The following TEX15 variants were observed in gnomAD, a reference collection of about 807,000 sequenced individuals.
TEX15 encodes the protein testis-expressed protein 15.
Under a neutral mutation model 237.3 loss-of-function variants are expected in TEX15, and 171 were observed. That is an observed-to-expected ratio of 0.72 (90% CI 0.64 to 0.82). The LOEUF is 0.82. Among genes scored for constraint, TEX15 ranks in the 40% least tolerant of loss-of-function variants. The pLI, the probability that TEX15 is intolerant of heterozygous loss-of-function variation, is 0.00. For missense variants in TEX15, 3,750 were observed against 3,646.5 expected (o/e 1.03, Z -0.73); for synonymous variants, 1,338 against 1,269.8 (o/e 1.05, Z -1.14).
intron 7 of TEX15, 99 bp from the exon 8 acceptor site, chr8:30,849,415 A>G: frequency 1.5e-6 from 1 of 671,368 alleles, no homozygotes; most frequent in Non-Finnish European, 2.4e-6. Flanking sequence ...TTGAAAGTTC[A>G]GCTAATAACC....
chr8:30,859,899 C>A lies in TEX15; in HGVS notation c.687+12G>T. On this transcript the variant is annotated intron_variant, in intron 6 of 10. Transcript: ENST00000643185. ...TGTACTTTTCAAGAAATCAAATGAA[C>A]CATTAACATACTGCTGAACTGTAGG... The A allele has an allele frequency of 7.1e-7, 1 of 1,405,170 alleles. No homozygotes were observed. Among genetic ancestry groups the A allele is most frequent in the Non-Finnish European group, 9.2e-7 (1 of 1,084,620 alleles). The allele number at this position is 1,405,170 out of a possible 1,614,324, so 87.0% of individuals were successfully genotyped here. A position where few individuals can be genotyped will look rare whatever the true frequency, so the allele number is the denominator to read the frequency against.
intron 4 of TEX15, among the ~76,000 whole-genome samples, chr8:30,871,242 G>A (rs1334656688): frequency 6.6e-6 from 1 of 152,060 alleles, no homozygotes; most frequent in Admixed American, 6.6e-5. Flanking sequence ...TATATTCACA[G>A]GTTCTGGGGA....
At chr8:30,836,463 C>T (rs778627668) in intron 10 of TEX15, among the ~76,000 whole-genome samples, 3 of 151,992 alleles carry the variant, frequency 2.0e-5, no homozygotes, top group Non-Finnish European at 4.4e-5. Context: ...CTGCCCCCCT[C>T]GGCCTCCCAA....
intron 1 of TEX15, among the ~76,000 whole-genome samples, chr8:30,905,576 AT>A (rs1809086402): frequency 6.6e-6 from 1 of 152,044 alleles, no homozygotes; most frequent in Non-Finnish European, 1.5e-5. Flanking sequence ...ATAAGAGATA[AT>A]ATTTTTGGTG....
intron 8 of TEX15, 113 bp from the exon 9 acceptor site, chr8:30,840,077 G>A (rs1396533120): frequency 1.1e-5 from 6 of 558,664 alleles, no homozygotes; most frequent in Admixed American, 3.9e-5. Context: ...ATCATCTAAA[G>A]TTAAACTAAT....
At chr8:30,898,201 T>A (rs753786981) in intron 2 of TEX15, among the ~76,000 whole-genome samples, 3 of 152,182 alleles carry the variant, frequency 2.0e-5, no homozygotes, top group Non-Finnish European at 4.4e-5. Context: ...AAATACCTGC[T>A]ATGGTCTGAA....
chr8:30,892,893 C>T (rs1407237722), intron 2 of TEX15, among the ~76,000 whole-genome samples: 1 of 151,876 alleles, frequency 6.6e-6, no homozygotes, highest in Non-Finnish European at 1.5e-5. Context: ...ATTAGCCGGG[C>T]GTGGTTGCAG....
At chr8:30,886,614 C>G (rs1157332961) in intron 3 of TEX15, among the ~76,000 whole-genome samples, 1 of 152,188 alleles carries the variant, frequency 6.6e-6, no homozygotes, top group Non-Finnish European at 1.5e-5. Flanking sequence ...CTTGTTCCTG[C>G]TGGGTAGGGG....
At chr8:30,905,734 C>CAAAAAAAAAAAAA (rs34079195) in intron 1 of TEX15, among the ~76,000 whole-genome samples, 3 of 50,974 alleles carry the variant, frequency 5.9e-5, no homozygotes, top group African/African-American at 2.4e-4. Flanking sequence ...ACAAAAAATA[C>CAAAAAAAAAAAAA]AAAAAAAAAA....
chr8:30,838,023 A>G lies in TEX15; in HGVS notation c.8261T>C (p.Val2754Ala), dbSNP rs765096080. The G allele has an allele frequency of 6.2e-7, 1 of 1,613,124 alleles. No homozygotes were observed. Among genetic ancestry groups the G allele is most frequent in the Non-Finnish European group, 8.5e-7 (1 of 1,179,760 alleles). ...TTTCAGACTGTCACATGAACTTGGTACTATTTTGTTTTCGCTTTTGGGATG... is the reference window on the plus strand; with the variant it reads ...TTTCAGACTGTCACATGAACTTGGTGCTATTTTGTTTTCGCTTTTGGGATG... ...GSHPKSENKI[V>A]PSSCDSLKRN... Residue 2754 changes from valine (V) to alanine (A), a missense_variant, in exon 10 of 11, where the codon GTA becomes GCA. Val to Ala is a moderately conservative substitution (Grantham distance 64). Coordinates refer to ENST00000643185, the MANE Select transcript of TEX15 (RefSeq NM_001350162.2).
chr8:30,837,131 G>A lies in TEX15; in HGVS notation c.9153C>T (p.Asn3051=), dbSNP rs1251017381. ...TCTGGGTAATGGCATTGCCATTGCT[G>A]TTGCTGTACTGATAAACACACCAAG... ...YSAWCVYQYS[N]SNGNAITQTY... The change falls in exon 10 of 11, where the codon AAC becomes AAT. Residue 3051 remains asparagine (N), a synonymous_variant. Coordinates refer to ENST00000643185, the MANE Select transcript of TEX15 (RefSeq NM_001350162.2). The A allele has an allele frequency of 1.9e-6, 3 of 1,613,352 alleles. No homozygotes were observed. In the Admixed American group the frequency reaches 5.0e-5, roughly 27 times the overall value.
At chr8:30,891,178 G>C (rs1338394130) in intron 2 of TEX15, among the ~76,000 whole-genome samples, 1 of 152,086 alleles carries the variant, frequency 6.6e-6, no homozygotes, top group Non-Finnish European at 1.5e-5. Flanking sequence ...ATTCTGGTTT[G>C]TCCTCATTGC....
chr8:30,887,361 A>T, intron 2 of TEX15, 50 bp from the exon 3 acceptor site: 2 of 1,416,326 alleles, frequency 1.4e-6, no homozygotes, highest in Non-Finnish European at 1.9e-6. Context: ...AATACATAAA[A>T]GGCAATGGCA....
intron 1 of TEX15, among the ~76,000 whole-genome samples, chr8:30,910,884 TTTTG>T (rs1405030681): frequency 6.6e-6 from 1 of 152,098 alleles, no homozygotes; most frequent in Non-Finnish European, 1.5e-5. Flanking sequence ...AAGATCTATG[TTTTG>T]TTTTTTAATT....
rs561356023 is a variant in TEX15, at chr8:30,855,912, G to A, written c.850+2756C>T. Reference sequence around the variant, plus strand: ...TACATTAGTAGTTGCTTAGGGCTGGGGGTCAGGGATATAATAGCTTTTAAA... The same window carrying A: ...TACATTAGTAGTTGCTTAGGGCTGGAGGTCAGGGATATAATAGCTTTTAAA... On this transcript the variant is annotated intron_variant, in intron 7 of 10. Transcript: ENST00000643185. Among the ~76,000 whole-genome samples, 22 of 152,154 alleles carry A rather than the reference G, an allele frequency of 1.4e-4. No individual in the cohort carries two copies. In the South Asian group the frequency reaches 4.6e-3, roughly 32 times the overall value.
intron 4 of TEX15, 103 bp from the exon 5 acceptor site, chr8:30,867,605 G>T (rs1309838823): frequency 2.9e-6 from 2 of 685,110 alleles, no homozygotes; most frequent in Non-Finnish European, 4.9e-6. Context: ...AAGAGAAGTA[G>T]CGATATTCAG....
At position 30,837,993 on chromosome 8, in the gene TEX15, TTTC is replaced by T; in HGVS notation, c.8288_8290del (p.Arg2763del). The T allele has an allele frequency of 6.2e-7, 1 of 1,614,118 alleles. No individual in the cohort carries two copies. Among genetic ancestry groups the T allele is most frequent in the Non-Finnish European group, 8.5e-7 (1 of 1,180,006 alleles). On this transcript the variant is annotated inframe_deletion, in exon 10 of 11. Coordinates refer to ENST00000643185, the MANE Select transcript of TEX15 (RefSeq NM_001350162.2). ...TTCAACCTTTTTTGGCGTTAAATGA[TTTC>T]TTTTCAGACTGTCACATGAACTTGG...
intron 2 of TEX15, among the ~76,000 whole-genome samples, chr8:30,889,718 T>G (rs1808741906): frequency 6.6e-6 from 1 of 151,970 alleles, no homozygotes; most frequent in African/African-American, 2.4e-5. Context: ...TAACGTCTCT[T>G]TAACTTCAGC....
In TEX15 at chr8:30,867,362, T is replaced by A. The variant is rs1271403279; in HGVS notation, c.443A>T (p.Asn148Ile). Residue 148 changes from asparagine (N) to isoleucine (I), a missense_variant, in exon 5 of 11, where the codon AAT (asparagine) becomes ATT (isoleucine). Physicochemically the swap from Asn to Ile is moderately radical, Grantham distance 149. Transcript: ENST00000643185. ...AAACATATAAATTCCAAGAAGAGGA[T>A]TTCCTAGTATCTTCAATGTAGATGC... is the stretch of plus-strand genomic sequence containing the variant. ...TRASTLKILG[N>I]PLLGIYMFRH... 2.0e-6 allele frequency: 3 copies of A among 1,530,118 alleles called. No homozygotes were observed. The highest frequency in any genetic ancestry group is 2.6e-6 in the Non-Finnish European group (3 of 1,141,904). 94.8% of individuals were successfully genotyped at this position (1,530,118 alleles called of 1,614,324 possible). A position where few individuals can be genotyped will look rare whatever the true frequency, so the allele number is the denominator to read the frequency against.
Sources: allele counts gnomAD v4.1 joint callset (sites outside exome capture counted in the v4.1 genomes callset), GRCh38; gene constraint gnomAD v4.1.1; transcripts MANE v1.5; gene names NCBI Gene and HGNC (gene_info 2026-07-23, HGNC 2026-07-21).